Variants in C8orf34 observed in about 807,000 individuals in gnomAD.
C8orf34 encodes the protein uncharacterized protein C8orf34.
A neutral mutation model predicts 68.3 loss-of-function variants in C8orf34; 65 were observed. The ratio of observed to expected loss-of-function variants is 0.95; its 90% CI spans 0.78 to 1.17. The LOEUF (loss-of-function observed/expected upper bound fraction) is 1.17. Ranked by LOEUF, C8orf34 falls within the 50% of genes most tolerant of loss-of-function variation. The probability of loss-of-function intolerance (pLI) is 0.00; values close to 1 mark genes in which losing one functional copy is unlikely to be tolerated. For synonymous variants in C8orf34, 244 were observed against 241.2 expected (o/e 1.01, Z -0.11); for missense variants, 664 against 655.4 (o/e 1.01, Z -0.14).
At chr8:68,485,724 A>AAT (rs34400081) in intron 4 of C8orf34, among the ~76,000 whole-genome samples, 1,937 of 147,272 alleles carry the variant, frequency 0.013, 22 homozygotes, top group South Asian at 0.019. Context: ...AAAAAAATAA[A>AAT]AAATAAATAA....
chr8:68,407,540 A>G (rs909678235), intron 1 of C8orf34, among the ~76,000 whole-genome samples: 1 of 152,088 alleles, frequency 6.6e-6, no homozygotes, highest in African/African-American at 2.4e-5. Flanking sequence ...TGAACTCACA[A>G]CATTTCTTCA....
chr8:68,491,369 A>G (rs917904338), intron 5 of C8orf34, among the ~76,000 whole-genome samples: 2 of 152,042 alleles, frequency 1.3e-5, no homozygotes, highest in Non-Finnish European at 2.9e-5. Context: ...CAAATTTATT[A>G]TCTTACAGCT....
chr8:68,487,991 AC>A (rs774428267), intron 4 of C8orf34, 31 bp from the exon 5 acceptor site: 1 of 1,530,724 alleles, frequency 6.5e-7, no homozygotes. Flanking sequence ...TGCTTCTAAA[AC>A]TTTTTTTTAT....
chr8:68,473,968 G>A (rs1812491228), intron 4 of C8orf34, among the ~76,000 whole-genome samples: 1 of 152,100 alleles, frequency 6.6e-6, no homozygotes, highest in African/African-American at 2.4e-5. Flanking sequence ...GATGCCCTTT[G>A]CATCACTTCC....
chr8:68,503,163 T>C (rs971064828), intron 5 of C8orf34, among the ~76,000 whole-genome samples: 9 of 152,330 alleles, frequency 5.9e-5, no homozygotes, highest in African/African-American at 1.9e-4. Flanking sequence ...TATGGAGTCT[T>C]GCTTAGCCTG....
At chr8:68,577,422 T>A (rs1260494919) in intron 7 of C8orf34, among the ~76,000 whole-genome samples, 1 of 152,040 alleles carries the variant, frequency 6.6e-6, no homozygotes, top group Non-Finnish European at 1.5e-5. Context: ...TCTTTAAATC[T>A]GCATATTACT....
intron 1 of C8orf34, among the ~76,000 whole-genome samples, chr8:68,384,161 ATTATTTT>A (rs1808157086): frequency 1.3e-5 from 2 of 152,200 alleles, no homozygotes; most frequent in South Asian, 2.1e-4. Flanking sequence ...TTCTAAGACT[ATTATTTT>A]TAAATTTTGT....
Position 68,346,169 on chromosome 8 carries a change from AATATG to A in C8orf34, c.327+14835_327+14839del, listed in dbSNP as rs148101480. On this transcript the variant is annotated intron_variant, in intron 1 of 13. Transcript: ENST00000518698. ...GTGTATTCTTTCTTAGTTGATTGGAAATATGATATATTTTACATACTAATTTCCCA... is the reference window on the plus strand; with the variant it reads ...GTGTATTCTTTCTTAGTTGATTGGAAATATATTTTACATACTAATTTCCCA... Among the ~76,000 whole-genome samples, 1,188 of 152,250 alleles carry A rather than the reference AATATG, an allele frequency of 7.8e-3. 19 individuals carry two copies. Among genetic ancestry groups the A allele is most frequent in the African/African-American group, 0.026 (1,099 of 41,556 alleles).
At chr8:68,753,470 A>G (rs1822763278) in intron 10 of C8orf34, among the ~76,000 whole-genome samples, 1 of 152,236 alleles carries the variant, frequency 6.6e-6, no homozygotes, top group African/African-American at 2.4e-5. Flanking sequence ...GACTGTATAC[A>G]TAATGTCAGT....
intron 10 of C8orf34, among the ~76,000 whole-genome samples, chr8:68,743,001 T>C (rs1037914827): frequency 9.2e-5 from 14 of 152,212 alleles, no homozygotes; most frequent in Non-Finnish European, 1.9e-4. Context: ...CCCTGAAATT[T>C]TGACGTTAAC....
intron 1 of C8orf34, among the ~76,000 whole-genome samples, chr8:68,403,368 C>A (rs1809043735): frequency 6.6e-6 from 1 of 151,986 alleles, no homozygotes; most frequent in South Asian, 2.1e-4. Flanking sequence ...TTCAGTTTAC[C>A]TTTTGTCTCT....
At chr8:68,481,107 C>A (rs1812839462) in intron 4 of C8orf34, among the ~76,000 whole-genome samples, 1 of 152,120 alleles carries the variant, frequency 6.6e-6, no homozygotes, top group Non-Finnish European at 1.5e-5. Context: ...TCCAGGGTTC[C>A]CATATTGTGT....
intron 5 of C8orf34, among the ~76,000 whole-genome samples, chr8:68,495,169 T>G (rs1813474407): frequency 6.6e-6 from 1 of 151,584 alleles, no homozygotes; most frequent in African/African-American, 2.4e-5. Context: ...CTGTATATCT[T>G]TTAGATAACT....
chr8:68,426,421 A>G lies in C8orf34; in HGVS notation c.328-13078A>G, dbSNP rs1810217866. Among the ~76,000 whole-genome samples, 3 of 149,552 alleles carry G rather than the reference A, an allele frequency of 2.0e-5. No homozygotes were observed. The South Asian group carries it at 6.6e-4, about 33-fold the overall frequency. ...GTAGTCCCAAATGCTCGGGGGCCCA[A>G]GGTGGGAAAATCGCTTCAACCTAGG... On this transcript the variant is annotated intron_variant, in intron 1 of 13. Transcript: ENST00000518698.
intron 7 of C8orf34, among the ~76,000 whole-genome samples, chr8:68,555,161 A>G (rs188075186): frequency 5.9e-5 from 9 of 152,222 alleles, no homozygotes. Context: ...GTGGTATAGT[A>G]AAGAGAACAA....
intron 7 of C8orf34, among the ~76,000 whole-genome samples, chr8:68,568,657 A>G (rs1816674195): frequency 6.6e-6 from 1 of 152,206 alleles, no homozygotes; most frequent in Non-Finnish European, 1.5e-5. Flanking sequence ...TTATAACTAG[A>G]TCAGTAGATT....
At chr8:68,637,208 T>C (rs1166234540) in intron 7 of C8orf34, among the ~76,000 whole-genome samples, 1 of 152,198 alleles carries the variant, frequency 6.6e-6, no homozygotes, top group African/African-American at 2.4e-5. Flanking sequence ...AGGGTAGAAG[T>C]AGTATCACTT....
intron 7 of C8orf34, among the ~76,000 whole-genome samples, chr8:68,629,393 A>G (rs1431641941): frequency 6.6e-6 from 1 of 152,168 alleles, no homozygotes; most frequent in Non-Finnish European, 1.5e-5. Flanking sequence ...ACCCTACTGA[A>G]TCTTCCTCTG....
intron 7 of C8orf34, among the ~76,000 whole-genome samples, chr8:68,582,938 G>A (rs138234226): frequency 2.4e-3 from 365 of 152,158 alleles, no homozygotes; most frequent in African/African-American, 7.8e-3. Context: ...TGGTATAAAG[G>A]TTTTGGTGCC....
Sources: gnomAD v4.1 joint callset for allele counts (sites outside exome capture counted in the v4.1 genomes callset) on GRCh38, gnomAD v4.1.1 for gene constraint, MANE v1.5 for transcripts, NCBI Gene and HGNC (gene_info 2026-07-23, HGNC 2026-07-21) for gene names.